IGSF11: variants seen among roughly 807,000 people sequenced by gnomAD.
IGSF11 encodes the protein immunoglobulin superfamily member 11, also known as CXADR like 1.
Under a neutral mutation model 41.0 loss-of-function variants are expected in IGSF11, and 22 were observed. That is an observed-to-expected ratio of 0.54 (90% CI 0.38 to 0.77). The LOEUF (loss-of-function observed/expected upper bound fraction) is 0.77. Ranked by LOEUF, IGSF11 falls within the 30% of genes least tolerant of loss-of-function variation. The pLI is 0.00. For synonymous variants in IGSF11, 219 were observed against 201.3 expected (o/e 1.09, Z -0.74); for missense variants, 444 against 530.8 (o/e 0.84, Z 1.61).
intron 1 of IGSF11, among the ~76,000 whole-genome samples, chr3:119,139,156 CA>C (rs934935321): frequency 6.6e-6 from 1 of 151,530 alleles, no homozygotes; most frequent in African/African-American, 2.4e-5. Flanking sequence ...ACTATATAAC[CA>C]AAAAATATAT....
chr3:119,031,101 A>G (rs1396455642), intron 1 of IGSF11, among the ~76,000 whole-genome samples: 1 of 152,084 alleles, frequency 6.6e-6, no homozygotes, highest in African/African-American at 2.4e-5. Flanking sequence ...TACTAAAAAT[A>G]CAAAAATTAG....
chr3:119,041,392 G>A lies in IGSF11; in HGVS notation c.49+63752C>T, dbSNP rs180767896. ...AGGTCAAGAGTTTGAGACCAGCCTG[G>A]CCAACATGGTGAAACCCCATCTCTA... On this transcript the variant is annotated intron_variant, in intron 1 of 6. Coordinates refer to the IGSF11 transcript ENST00000354673. Among the ~76,000 whole-genome samples, 331 of 152,204 alleles carry A rather than the reference G, an allele frequency of 2.2e-3. 2 individuals are homozygous for A. In the Middle Eastern group the frequency reaches 0.027, roughly 13 times the overall value.
chr3:118,918,557 T>G (rs1413764419), intron 4 of IGSF11, among the ~76,000 whole-genome samples: 1 of 138,276 alleles, frequency 7.2e-6, no homozygotes, highest in Non-Finnish European at 1.5e-5. Context: ...ACAAGGGATG[T>G]GAAGGACCTC....
chr3:119,135,432 C>G (rs2077546820), intron 1 of IGSF11, among the ~76,000 whole-genome samples: 1 of 152,184 alleles, frequency 6.6e-6, no homozygotes, highest in Non-Finnish European at 1.5e-5. Context: ...CAAAAGAAGA[C>G]ATTTATGCAG....
chr3:118,963,594 TAAAAAA>T (rs1410754951), intron 1 of IGSF11, among the ~76,000 whole-genome samples: 3 of 152,012 alleles, frequency 2.0e-5, no homozygotes, highest in Admixed American at 2.0e-4. Context: ...AAACAAGAAT[TAAAAAA>T]GAAAAAGTTC....
chr3:119,118,513 A>AAATCATTT (rs2077290450), intron 1 of IGSF11, among the ~76,000 whole-genome samples: 1 of 152,178 alleles, frequency 6.6e-6, no homozygotes. Context: ...TCAGCCCACA[A>AAATCATTT]AATCATTTTT....
At chr3:119,037,108 T>A (rs1035295451), upstream of IGSF11, among the ~76,000 whole-genome samples, 9 of 152,222 alleles carry the variant, frequency 5.9e-5, no homozygotes, top group African/African-American at 2.2e-4. Context: ...GATAATACCA[T>A]TGACATATAC....
chr3:118,989,459 T>C (rs937174228), intron 1 of IGSF11, among the ~76,000 whole-genome samples: 1 of 152,040 alleles, frequency 6.6e-6, no homozygotes, highest in South Asian at 2.1e-4. Flanking sequence ...TTCACGCCAT[T>C]CTCCTGCCTC....
intron 6 of IGSF11, 140 bp downstream of exon 6, chr3:118,904,508 T>C (rs1939334295): frequency 1.5e-6 from 1 of 656,940 alleles, no homozygotes; most frequent in Admixed American, 2.8e-5. Flanking sequence ...AAAAGTGATA[T>C]ACAAGAAAAT....
intron 2 of IGSF11, among the ~76,000 whole-genome samples, chr3:118,929,266 C>T (rs1942631358): frequency 6.6e-6 from 1 of 152,234 alleles, no homozygotes; most frequent in Admixed American, 6.5e-5. Flanking sequence ...TCTATTCAAG[C>T]TCTACCTGTA....
At chr3:119,016,185 G>A (rs544740874) in intron 1 of IGSF11, among the ~76,000 whole-genome samples, 169 of 152,316 alleles carry the variant, frequency 1.1e-3, no homozygotes, top group African/African-American at 3.9e-3. Context: ...ACTGGGCTGT[G>A]GGGCACAGAA....
In IGSF11 at chr3:118,902,267, C is replaced by T; in HGVS notation, c.*253G>A. On this transcript the variant is annotated 3_prime_UTR_variant, in exon 7 of 7. Transcript: ENST00000393775. ...ACTATTCTGCTCTTGTATCTTTTTC[C>T]TTGGCTTGGCACATCTTTGAGATCC... 1 of 438,744 alleles carries T rather than the reference C, an allele frequency of 2.3e-6. No homozygotes were observed. Among genetic ancestry groups the T allele is most frequent in the Non-Finnish European group, 4.1e-6 (1 of 245,026 alleles). The allele number at this position is 438,744 out of a possible 1,614,324, so 27.2% of individuals were successfully genotyped here. A position where few individuals can be genotyped will look rare whatever the true frequency, so the allele number is the denominator to read the frequency against.
chr3:119,046,744 G>C (rs532676162), intron 1 of IGSF11, among the ~76,000 whole-genome samples: 2 of 152,262 alleles, frequency 1.3e-5, no homozygotes, highest in African/African-American at 2.4e-5. Context: ...CAGCCAGAGA[G>C]AGAAAGGTCT....
intron 1 of IGSF11, among the ~76,000 whole-genome samples, chr3:119,044,702 A>G (rs1049319106): frequency 2.6e-5 from 4 of 152,250 alleles, no homozygotes; most frequent in African/African-American, 9.6e-5. Context: ...AAGCTATCAG[A>G]CTAACACCAG....
chr3:118,902,993 A>T (rs937775987), intron 6 of IGSF11, 32 bp from the exon 7 acceptor site: 3 of 1,589,198 alleles, frequency 1.9e-6, no homozygotes, highest in Admixed American at 1.7e-5. Context: ...CGTTGTTAGG[A>T]TTTACTTCAA....
chr3:118,926,195 G>T lies in IGSF11; in HGVS notation c.486C>A (p.Ile162=), dbSNP rs754854191. 1.2e-6 allele frequency: 2 copies of T among 1,611,886 alleles called. No homozygotes were observed. Among genetic ancestry groups the T allele is most frequent in the Non-Finnish European group, 8.5e-7 (1 of 1,178,442 alleles). ...QGSQDIGSDV[I]LLCSSEEGIP... ...TGCCTTCCTCTGAGCTACAGAGCAG[G>T]ATGACATCGCTGCCAATATCCTGGG... Residue 162 remains isoleucine (I), a synonymous_variant, in exon 4 of 7, where the codon ATC becomes ATA. Coordinates refer to ENST00000393775, the MANE Select transcript of IGSF11 (RefSeq NM_001015887.3).
intron 1 of IGSF11, among the ~76,000 whole-genome samples, chr3:119,122,438 A>T (rs917007829): frequency 6.6e-6 from 1 of 152,242 alleles, no homozygotes; most frequent in Non-Finnish European, 1.5e-5. Flanking sequence ...GTTGAAATGC[A>T]CTGGGGCCCT....
At chr3:119,029,342 T>C (rs1940174952) in intron 1 of IGSF11, among the ~76,000 whole-genome samples, 1 of 151,988 alleles carries the variant, frequency 6.6e-6, no homozygotes, top group African/African-American at 2.4e-5. Context: ...AATTTTATTA[T>C]ACAGTTAACT....
intron 1 of IGSF11, among the ~76,000 whole-genome samples, chr3:119,098,628 G>T (rs2076893199): frequency 6.6e-6 from 1 of 152,138 alleles, no homozygotes; most frequent in African/African-American, 2.4e-5. Context: ...AGCACAATTT[G>T]CTTTACTAAA....
Sources: allele counts gnomAD v4.1 joint callset (sites outside exome capture counted in the v4.1 genomes callset), GRCh38; gene constraint gnomAD v4.1.1; transcripts MANE v1.5; gene names NCBI Gene and HGNC (gene_info 2026-07-23, HGNC 2026-07-21).